The following GPR55 variants were observed in gnomAD, a reference collection of about 807,000 sequenced individuals.
The protein encoded by GPR55 is G protein-coupled receptor 55, also known as G-protein coupled receptor 55.
Under a neutral mutation model 7.9 loss-of-function variants are expected in GPR55, and 6 were observed. That is an observed-to-expected ratio of 0.76 (90% CI 0.41 to 1.49). The LOEUF (loss-of-function observed/expected upper bound fraction) is 1.49, where lower values mean the gene tolerates loss of function less well. GPR55 is among the 40% of genes most tolerant of loss of function. The probability of loss-of-function intolerance (pLI) is 0.01; values close to 1 mark genes in which losing one functional copy is unlikely to be tolerated. For synonymous variants in GPR55, 183 were observed against 166.8 expected (o/e 1.10, Z -0.75); for missense variants, 376 against 406.0 (o/e 0.93, Z 0.63).
chr2:230,910,768 G>T lies in GPR55; in HGVS notation c.195C>A (p.Asn65Lys). Residue 65 changes from asparagine to lysine, a missense_variant, in exon 2 of 2, where the codon AAC becomes AAA. Asn to Lys is a moderately conservative substitution (Grantham distance 94). Transcript: ENST00000650999. This position sits in a 1 kb window ranked among gnomAD's most constrained non-coding sequence, Gnocchi z 5.4. ...DYAATSIYMI[N>K]LAVFDLLLVL... ...CCAGCAGCAGGTCAAAGACTGCCAG[G>T]TTGATCATGTAGATGGAGGTGGCAG... 1.2e-6 allele frequency: 2 copies of T among 1,613,984 alleles called. No homozygotes were observed. Among genetic ancestry groups the T allele is most frequent in the Non-Finnish European group, 1.7e-6 (2 of 1,179,820 alleles).
rs536335386 is a variant in GPR55 at position 230,935,125 on chromosome 2, C to T, written c.-134-24029G>A. Among the ~76,000 whole-genome samples the T allele has an allele frequency of 3.0e-3, 453 of 152,294 alleles. 5 individuals are homozygous for T. Among genetic ancestry groups the T allele is most frequent in the Non-Finnish European group, 5.2e-3 (356 of 68,018 alleles). ...CTCCCTCAGAGATGGTGGCAGGACC[C>T]GCAGCCTCAGCACCATCGTGACCAC... On this transcript the variant is annotated intron_variant, in intron 1 of 1. Coordinates refer to the GPR55 transcript ENST00000392039.
chr2:230,910,207 C>T lies in GPR55; in HGVS notation c.756G>A (p.Val252=). 1 of 1,614,108 alleles carries T rather than the reference C, an allele frequency of 6.2e-7. No homozygotes were observed. Among genetic ancestry groups the T allele is most frequent in the Non-Finnish European group, 8.5e-7 (1 of 1,179,946 alleles). The change falls in exon 2 of 2, where the codon GTG becomes GTA. Residue 252 remains valine, a synonymous_variant. Coordinates refer to ENST00000650999, the MANE Select transcript of GPR55 (RefSeq NM_005683.4). The surrounding 1 kb of genome is among the most constrained non-coding windows in gnomAD (Gnocchi z 5.4). ...TGCACTCTACGATAAAGCTGTTTCT[C>T]ACCAGGAACTGCAGGAAGAACCCCA... The part of the protein sequence containing the change: ...VHLGFFLQFL[V]RNSFIVECRA...
At chr2:230,949,480 T>G (rs189952749) in intron 1 of GPR55, among the ~76,000 whole-genome samples, 1 of 152,202 alleles carries the variant, frequency 6.6e-6, no homozygotes, top group Non-Finnish European at 1.5e-5. Flanking sequence ...AAGTTCTTGA[T>G]AGCTATTGTA....
chr2:230,947,709 C>T (rs1559179495), intron 1 of GPR55, among the ~76,000 whole-genome samples: 1 of 151,956 alleles, frequency 6.6e-6, no homozygotes, highest in African/African-American at 2.4e-5. Context: ...ACTATATTGC[C>T]CAGGATGGTC....
intron 1 of GPR55, among the ~76,000 whole-genome samples, chr2:230,933,073 C>A (rs993118453): frequency 9.6e-6 from 1 of 103,730 alleles, no homozygotes; most frequent in African/African-American, 4.2e-5. Context: ...CTTTCCCTGC[C>A]CCTTCCTGCC....
At chr2:230,943,045 G>C (rs190278344) in intron 1 of GPR55, among the ~76,000 whole-genome samples, 4 of 149,748 alleles carry the variant, frequency 2.7e-5, no homozygotes. Context: ...GAGACGAGAA[G>C]AGGAGAGAGG....
chr2:230,930,756 C>T (rs542392983), intron 1 of GPR55, among the ~76,000 whole-genome samples: 6 of 152,270 alleles, frequency 3.9e-5, no homozygotes, highest in South Asian at 2.1e-4. Context: ...TAAGCCACTG[C>T]GCCTGGCTCA....
At chr2:230,939,938 T>TG (rs202020807) in intron 1 of GPR55, among the ~76,000 whole-genome samples, 3,685 of 151,896 alleles carry the variant, frequency 0.024, 137 homozygotes, top group African/African-American at 0.085. Context: ...AGGGGTGTGT[T>TG]GGCGGGGGCG....
At position 230,934,326 on chromosome 2, in the gene GPR55, A is replaced by G. The variant is rs1321298336; in HGVS notation, c.-134-23230T>C. ...AAAAGCTGTGGAACGAGCACCGAGT[A>G]CTGATTCCAGGTTTCTGGTCCCCGG... On this transcript the variant is annotated intron_variant, in intron 1 of 1. Coordinates refer to the GPR55 transcript ENST00000392039. 5.3e-5 allele frequency among the ~76,000 whole-genome samples: 8 copies of G among 152,204 alleles called. No homozygotes were observed. The East Asian group carries it at 1.5e-3, about 29-fold the overall frequency.
Position 230,908,873 on chromosome 2 carries a change from A to T in GPR55, c.*1130T>A, listed in dbSNP as rs1242034424. 6.6e-6 allele frequency: 1 copy of T among 151,532 alleles called. No individual in the cohort carries two copies. Among genetic ancestry groups the T allele is most frequent in the Non-Finnish European group, 1.5e-5 (1 of 67,934 alleles). 9.4% of individuals were successfully genotyped at this position (151,532 alleles called of 1,614,324 possible). On this transcript the variant is annotated 3_prime_UTR_variant, in exon 2 of 2. Transcript: ENST00000650999. ...TTACAGTTTCCTGGGACCAGCAGGG[A>T]CCCCCCCTTGCCTTCTTTCTCAAGG...
chr2:230,933,839 G>T (rs1361378262), intron 1 of GPR55, among the ~76,000 whole-genome samples: 3 of 152,212 alleles, frequency 2.0e-5, no homozygotes, highest in Non-Finnish European at 4.4e-5. Flanking sequence ...CTGCTGTGGG[G>T]GTGGGAGATG....
rs1231634577 is a variant in GPR55 at position 230,944,487 on chromosome 2, A to G, written c.-135+16288T>C. Among the ~76,000 whole-genome samples the G allele has an allele frequency of 6.6e-6, 1 of 152,170 alleles. No individual in the cohort carries two copies. The highest frequency in any genetic ancestry group is 1.5e-5 in the Non-Finnish European group (1 of 68,026). On this transcript the variant is annotated intron_variant, in intron 1 of 1. Coordinates refer to the GPR55 transcript ENST00000392039. This position sits in a 1 kb window ranked among gnomAD's most constrained non-coding sequence, Gnocchi z 4.2. ...AACCATCGCTGGTTAGTTCAGAGGG[A>G]AATGTCCACAACAGAGATGACTGTG... is the stretch of plus-strand genomic sequence containing the variant.
intron 1 of GPR55, among the ~76,000 whole-genome samples, chr2:230,938,809 C>A (rs1691174000): frequency 6.6e-6 from 1 of 152,172 alleles, no homozygotes; most frequent in African/African-American, 2.4e-5. Context: ...TCATTTAGGG[C>A]AGGAGACAAA....
intron 1 of GPR55, among the ~76,000 whole-genome samples, chr2:230,949,153 T>TTTGGTTTG (rs371658183): frequency 2.0e-5 from 3 of 151,350 alleles, no homozygotes; most frequent in Non-Finnish European, 4.4e-5. Flanking sequence ...ATGGCTCTTT[T>TTTGGTTTG]TTTGTTTGTT....
chr2:230,925,043 T>A (rs1203289173), intron 1 of GPR55, 125 bp downstream of exon 1: 2 of 152,584 alleles, frequency 1.3e-5, no homozygotes, highest in Non-Finnish European at 2.9e-5. Context: ...TTGGGACAGG[T>A]GTGCACAAAG....
upstream of GPR55, among the ~76,000 whole-genome samples, chr2:230,927,857 G>C (rs974595649): frequency 3.9e-5 from 6 of 152,246 alleles, no homozygotes; most frequent in Admixed American, 6.5e-5. Flanking sequence ...TGCCCTCGTG[G>C]GGCATCCTTT....
At position 230,918,198 on chromosome 2, in the gene GPR55, A is replaced by G. The variant is rs544950227; in HGVS notation, c.-135+6970T>C. 2.1e-4 allele frequency among the ~76,000 whole-genome samples: 32 copies of G among 152,352 alleles called. No homozygotes were observed. In the South Asian group the frequency reaches 2.7e-3, roughly 13 times the overall value. ...AGAAGCAATAAACGAAGCAATACCT[A>G]TATCTCTAACAACTATGATCAAGAA... is the stretch of plus-strand genomic sequence containing the variant. On this transcript the variant is annotated intron_variant, in intron 1 of 1. Coordinates refer to ENST00000650999, the MANE Select transcript of GPR55 (RefSeq NM_005683.4).
rs75537205 is a variant in GPR55, at chr2:230,914,298, C to T, written c.-134-3202G>A. On this transcript the variant is annotated intron_variant, in intron 1 of 1. Coordinates refer to ENST00000650999, the MANE Select transcript of GPR55 (RefSeq NM_005683.4). ...ACACAATTTGGCCATCAGTATTCCC[C>T]GGTAGGATTATTCTAAAGGTCACAT... 8.6e-3 allele frequency among the ~76,000 whole-genome samples: 1,311 copies of T among 152,208 alleles called. 21 individuals are homozygous for T. The highest frequency in any genetic ancestry group is 0.03 in the African/African-American group (1,258 of 41,508).
intron 1 of GPR55, among the ~76,000 whole-genome samples, chr2:230,931,800 C>T (rs945677823): frequency 2.0e-4 from 31 of 152,092 alleles, no homozygotes; most frequent in African/African-American, 7.5e-4. Context: ...TGAGTGGTGC[C>T]CCACTCCACT....
Sources: allele counts gnomAD v4.1 joint callset (sites outside exome capture counted in the v4.1 genomes callset), GRCh38; gene constraint gnomAD v4.1.1; non-coding constraint Gnocchi (gnomAD v3.1); transcripts MANE v1.5; gene names NCBI Gene and HGNC (gene_info 2026-07-23, HGNC 2026-07-21).